The following TUBGCP5 variants were observed in gnomAD, a reference collection of about 807,000 sequenced individuals.
The protein encoded by TUBGCP5 is tubulin gamma complex component 5, also known as gamma-tubulin complex component 5.
Under a neutral mutation model 134.7 loss-of-function variants are expected in TUBGCP5, and 98 were observed. That is an observed-to-expected ratio of 0.73 (90% confidence interval 0.62 to 0.86). The LOEUF is 0.86. Among genes scored for constraint, TUBGCP5 ranks in the 40% least tolerant of loss-of-function variants. The pLI, the probability that TUBGCP5 is intolerant of heterozygous loss-of-function variation, is 0.00. For synonymous variants in TUBGCP5, 456 were observed against 431.4 expected (o/e 1.06, Z -0.71); for missense variants, 1,150 against 1,244.8 (o/e 0.92, Z 1.15).
In TUBGCP5 at chr15:23,004,013, C is replaced by A. The variant is rs1358382520; in HGVS notation, c.2838+89G>T. On this transcript the variant is annotated intron_variant, in intron 20 of 22. Transcript: ENST00000615383. Reference sequence around the variant, plus strand: ...CTTCCTTAAAGAATATTCTACAGGACAGAAGCTTAATCATCATAAAATTCC... The same window carrying A: ...CTTCCTTAAAGAATATTCTACAGGAAAGAAGCTTAATCATCATAAAATTCC... 4 of 1,473,542 alleles carry A rather than the reference C, an allele frequency of 2.7e-6. No individual in the cohort carries two copies. The African/African-American group carries it at 4.3e-5, about 16-fold the overall frequency. 91.3% of individuals were successfully genotyped at this position (1,473,542 alleles called of 1,614,324 possible). A position where few individuals can be genotyped will look rare whatever the true frequency, so the allele number is the denominator to read the frequency against.
At position 23,004,122 on chromosome 15, in the gene TUBGCP5, G is replaced by A. The variant is rs759151472; in HGVS notation, c.2818C>T (p.Arg940Trp). 43 of 1,611,426 alleles carry A rather than the reference G, an allele frequency of 2.7e-5. No homozygotes were observed. Among genetic ancestry groups the A allele is most frequent in the Middle Eastern group, 3.3e-4 (2 of 6,076 alleles). Residue 940 changes from arginine to tryptophan, a missense_variant, in exon 20 of 23, where the codon CGG (arginine) becomes TGG (tryptophan). Arg to Trp is a moderately radical substitution (Grantham distance 101). Around this residue, in one of 2 missense-constraint regions of TUBGCP5, gnomAD observed 697 missense variants for 850.1 expected, o/e 0.82. Transcript: ENST00000615383. Reference sequence around the variant, plus strand: ...TGTACCTTTTCTCTCAGCAGACACCGGTCATGGATGGTTGACAGATACCTA... The same window carrying A: ...TGTACCTTTTCTCTCAGCAGACACCAGTCATGGATGGTTGACAGATACCTA... ...HYRYLSTIHD[R>W]CLLREKVSFV...
intron 23 of TUBGCP5, among the ~76,000 whole-genome samples, chr15:22,993,082 CGA>C (rs1478092829): frequency 6.6e-6 from 1 of 152,072 alleles, no homozygotes; most frequent in African/African-American, 2.4e-5. Context: ...GCTCTAGAGA[CGA>C]TGCTCAGGAT....
chr15:23,030,124 G>A (rs544309566), intron 6 of TUBGCP5, among the ~76,000 whole-genome samples: 12 of 152,122 alleles, frequency 7.9e-5, no homozygotes, highest in African/African-American at 1.7e-4. Context: ...GAGGCCAGGA[G>A]GCAGAGGTTG....
intron 23 of TUBGCP5, among the ~76,000 whole-genome samples, chr15:22,984,968 A>G (rs1186144687): frequency 6.6e-6 from 1 of 152,218 alleles, no homozygotes. Flanking sequence ...CAATACTGCA[A>G]TACATATAAC....
At chr15:23,033,299 A>G (rs556475925) in intron 3 of TUBGCP5, among the ~76,000 whole-genome samples, 1 of 150,932 alleles carries the variant, frequency 6.6e-6, no homozygotes, top group East Asian at 2.0e-4. Flanking sequence ...TCCCCCCGAG[A>G]TGGATTTTCG....
chr15:23,032,623 G>T, intron 4 of TUBGCP5, 105 bp downstream of exon 4: 1 of 738,898 alleles, frequency 1.4e-6, no homozygotes, highest in Non-Finnish European at 2.1e-6. Flanking sequence ...AAATACTTTA[G>T]TTTCACAGAT....
intron 11 of TUBGCP5, among the ~76,000 whole-genome samples, chr15:23,020,030 G>A (rs2065578863): frequency 6.6e-6 from 1 of 152,098 alleles, no homozygotes; most frequent in Non-Finnish European, 1.5e-5. Flanking sequence ...TGTAACCCCA[G>A]CACTTTGGGA....
At chr15:23,000,541 T>C in intron 22 of TUBGCP5, 28 bp downstream of exon 22, 1 of 1,603,836 alleles carries the variant, frequency 6.2e-7, no homozygotes, top group Non-Finnish European at 8.5e-7. Context: ...AATACAGAGG[T>C]AGAAATATTT....
chr15:23,034,678 G>A (rs2066482177), intron 3 of TUBGCP5, among the ~76,000 whole-genome samples: 1 of 151,986 alleles, frequency 6.6e-6, no homozygotes, highest in Non-Finnish European at 1.5e-5. Context: ...GGCCAACATG[G>A]CGAAACCTCA....
At chr15:23,028,164 C>T (rs1461393057) in intron 6 of TUBGCP5, among the ~76,000 whole-genome samples, 1 of 151,748 alleles carries the variant, frequency 6.6e-6, no homozygotes, top group Non-Finnish European at 1.5e-5. Context: ...GTGGCTCACA[C>T]CTGCAATCCC....
chr15:23,033,905 T>G lies in TUBGCP5; in HGVS notation c.310-1081A>C, dbSNP rs549583544. Among the ~76,000 whole-genome samples, 50 of 152,280 alleles carry G rather than the reference T, an allele frequency of 3.3e-4. 2 individuals are homozygous for G. In the South Asian group the frequency reaches 9.6e-3, roughly 29 times the overall value. ...CAAGTTTCTATTTGATTGCCAGTCT[T>G]TTCTTATTTATATGATTGATTTTTA... On this transcript the variant is annotated intron_variant, in intron 3 of 22. Transcript: ENST00000615383.
intron 23 of TUBGCP5, among the ~76,000 whole-genome samples, chr15:22,991,948 G>C (rs889951667): frequency 3.3e-5 from 5 of 152,258 alleles, no homozygotes; most frequent in Middle Eastern, 3.4e-3. Flanking sequence ...ATAGGGTCTT[G>C]AGCACCGTCT....
At chr15:23,032,849 A>C (rs758762895) in intron 3 of TUBGCP5, 25 bp from the exon 4 acceptor site, 12 of 1,506,686 alleles carry the variant, frequency 8.0e-6, no homozygotes, top group South Asian at 1.3e-5. Context: ...AAAGAACATA[A>C]ATCTCTGAGG....
At chr15:23,009,433 G>A (rs1043975990) in intron 15 of TUBGCP5, among the ~76,000 whole-genome samples, 12 of 151,822 alleles carry the variant, frequency 7.9e-5, no homozygotes, top group East Asian at 3.9e-4. Flanking sequence ...CACGCCCGGC[G>A]AATTTTTTGT....
chr15:23,038,486 TA>T (rs151073021), intron 1 of TUBGCP5, among the ~76,000 whole-genome samples: 6,835 of 152,252 alleles, frequency 0.045, 397 homozygotes, highest in African/African-American at 0.14. Flanking sequence ...AAGTTACACT[TA>T]AGAATTCAGT....
At chr15:22,995,985 C>T (rs894084521), downstream of TUBGCP5, among the ~76,000 whole-genome samples, 4 of 152,172 alleles carry the variant, frequency 2.6e-5, no homozygotes, top group Non-Finnish European at 5.9e-5. Flanking sequence ...AACTGCATTC[C>T]ACTGCGTGCA....
rs1173705792 is a variant in TUBGCP5 at position 23,006,173 on chromosome 15, C to G, written c.2413-1G>C. The G allele has an allele frequency of 6.2e-7, 1 of 1,607,524 alleles. No individual in the cohort carries two copies. Among genetic ancestry groups the G allele is most frequent in the Non-Finnish European group, 8.5e-7 (1 of 1,178,748 alleles). On this transcript the variant is annotated splice_acceptor_variant, in intron 17 of 22. Transcript: ENST00000615383. LOFTEE classifies it high-confidence loss of function. ...TAACAATGTCCACGGGCCATGGGAC[C>G]TATGAAACAAAAACAAAATTAGAAA...
At chr15:22,994,221 G>T (rs939137223), downstream of TUBGCP5, among the ~76,000 whole-genome samples, 1 of 152,046 alleles carries the variant, frequency 6.6e-6, no homozygotes, top group African/African-American at 2.4e-5. Context: ...CCAGGTAGCT[G>T]GGATTAGAGG....
chr15:23,019,326 G>C lies in TUBGCP5; in HGVS notation c.1380C>G (p.Leu460=). The part of the protein sequence containing the change: ...VGEASEQTVS[L]LFSLWVETVR... ...CCGTTTCCACCCAGAGAGAGAAAAG[G>C]AGGGAGACCTGAGGCAGAGAGTGTG... The change falls in exon 12 of 23, where the codon CTC becomes CTG. Residue 460 remains leucine, a synonymous_variant. Coordinates refer to ENST00000615383, the MANE Select transcript of TUBGCP5 (RefSeq NM_052903.6). 2 of 1,612,802 alleles carry C rather than the reference G, an allele frequency of 1.2e-6. No homozygotes were observed. Among genetic ancestry groups the C allele is most frequent in the Non-Finnish European group, 1.7e-6 (2 of 1,179,052 alleles).
Sources: allele counts gnomAD v4.1 joint callset (sites outside exome capture counted in the v4.1 genomes callset), GRCh38; gene constraint gnomAD v4.1.1; regional missense constraint gnomAD v4.1.1; transcripts MANE v1.5; gene names NCBI Gene and HGNC (gene_info 2026-07-23, HGNC 2026-07-21).